DTWD2: variants seen among roughly 807,000 people sequenced by gnomAD.
The protein encoded by DTWD2 is DTW motif tRNA-uridine aminocarboxypropyltransferase 2.
DTWD2 carries 39 observed loss-of-function variants against 31.8 expected under a neutral mutation model. The observed-to-expected ratio is 1.22, with a 90% CI of 0.95 to 1.60. The LOEUF is 1.60. DTWD2 is among the 40% of genes most tolerant of loss of function. The pLI, the probability that DTWD2 is intolerant of heterozygous loss-of-function variation, is 0.00. For synonymous variants in DTWD2, 180 were observed against 142.8 expected, an observed-to-expected ratio of 1.26 and a Z score of -1.86; for missense variants, 515 against 381.5, an observed-to-expected ratio of 1.35 and a Z score of -2.92.
At chr5:118,883,774 G>A (rs1752795559) in intron 4 of DTWD2, among the ~76,000 whole-genome samples, 1 of 152,086 alleles carries the variant, frequency 6.6e-6, no homozygotes, top group African/African-American at 2.4e-5. Flanking sequence ...CTCAACATAT[G>A]GGGATTACAA....
At chr5:118,973,669 G>C in intron 1 of DTWD2, 1 of 921,472 alleles carries the variant, frequency 1.1e-6, no homozygotes, top group South Asian at 1.4e-5. Flanking sequence ...CAGCCTCCTT[G>C]CTCGCCGCAG....
In DTWD2 at chr5:118,967,435, G is replaced by A. The variant is rs1303037345; in HGVS notation, c.218+20859C>T. Among the ~76,000 whole-genome samples, 8 of 152,120 alleles carry A rather than the reference G, an allele frequency of 5.3e-5. No individual in the cohort carries two copies. In the East Asian group the frequency reaches 1.5e-3, roughly 29 times the overall value. On this transcript the variant is annotated intron_variant, in intron 1 of 5. Coordinates refer to ENST00000510708, the MANE Select transcript of DTWD2 (RefSeq NM_173666.4). ...TGAATATCATTTTACAATAAACCAG[G>A]GCTTCCTGAAAAAGTGGTTGATTCT...
At chr5:118,907,578 A>G (rs2149569014) in intron 4 of DTWD2, among the ~76,000 whole-genome samples, 1 of 152,236 alleles carries the variant, frequency 6.6e-6, no homozygotes, top group East Asian at 1.9e-4. Flanking sequence ...TAAAAATACA[A>G]AAATTAGCCA....
intron 4 of DTWD2, among the ~76,000 whole-genome samples, chr5:118,889,438 T>C (rs1752933585): frequency 6.6e-6 from 1 of 152,094 alleles, no homozygotes; most frequent in South Asian, 2.1e-4. Context: ...AAGAAGCTCT[T>C]CATATACAGA....
intron 4 of DTWD2, among the ~76,000 whole-genome samples, chr5:118,878,649 A>C (rs1752671902): frequency 6.6e-6 from 1 of 152,216 alleles, no homozygotes; most frequent in Non-Finnish European, 1.5e-5. Flanking sequence ...CAACAAAAGC[A>C]AAAATTGACA....
chr5:118,924,707 T>A (rs1029052573), intron 4 of DTWD2, among the ~76,000 whole-genome samples: 15 of 152,200 alleles, frequency 9.9e-5, no homozygotes, highest in Non-Finnish European at 1.9e-4. Flanking sequence ...ATCACTACAA[T>A]TGCCACTATC....
At chr5:118,893,894 A>G (rs535533409) in intron 4 of DTWD2, among the ~76,000 whole-genome samples, 4 of 152,280 alleles carry the variant, frequency 2.6e-5, no homozygotes, top group Admixed American at 6.5e-5. Context: ...AACAAGCCAA[A>G]TGACAAGGGA....
At chr5:118,947,631 T>G (rs1301818776) in intron 1 of DTWD2, among the ~76,000 whole-genome samples, 1 of 152,168 alleles carries the variant, frequency 6.6e-6, no homozygotes, top group Non-Finnish European at 1.5e-5. Context: ...TGTGTGGTTT[T>G]GGAAAAGACA....
intron 4 of DTWD2, among the ~76,000 whole-genome samples, chr5:118,901,747 G>C (rs1721343161): frequency 6.6e-6 from 1 of 151,988 alleles, no homozygotes; most frequent in Admixed American, 6.6e-5. Flanking sequence ...ATTATCAAAA[G>C]ATTAAAATTG....
At chr5:118,960,664 C>T (rs531379666) in intron 1 of DTWD2, among the ~76,000 whole-genome samples, 5 of 152,132 alleles carry the variant, frequency 3.3e-5, no homozygotes, top group African/African-American at 1.2e-4. Flanking sequence ...AAAGGAAAGA[C>T]ATGTAATTAA....
Position 118,896,419 on chromosome 5 carries a change from A to G in DTWD2, c.597+32118T>C, listed in dbSNP as rs1057461699. On this transcript the variant is annotated intron_variant, in intron 4 of 5. Coordinates refer to ENST00000510708, the MANE Select transcript of DTWD2 (RefSeq NM_173666.4). ...TCAGATGAAAAACATGAGTCTGAAA[A>G]AGGTTAAGATAAAAACAACTAGAAC... 2.0e-5 allele frequency among the ~76,000 whole-genome samples: 3 copies of G among 152,268 alleles called. No homozygotes were observed. In the South Asian group the frequency reaches 6.2e-4, roughly 32 times the overall value.
intron 3 of DTWD2, among the ~76,000 whole-genome samples, chr5:118,935,400 A>G (rs932933514): frequency 4.3e-4 from 66 of 152,308 alleles, no homozygotes; most frequent in African/African-American, 1.5e-3. Context: ...GGGAAGGGGC[A>G]GTCTTGGGAA....
chr5:118,885,093 A>T (rs1302582622), intron 4 of DTWD2, among the ~76,000 whole-genome samples: 1 of 151,272 alleles, frequency 6.6e-6, no homozygotes, highest in Admixed American at 6.6e-5. Flanking sequence ...AGGACTGCTT[A>T]AGCCCAAGAG....
intron 2 of DTWD2, among the ~76,000 whole-genome samples, chr5:118,941,164 T>C (rs1272401100): frequency 6.6e-6 from 1 of 151,876 alleles, no homozygotes; most frequent in African/African-American, 2.4e-5. Flanking sequence ...CAAATCCTTT[T>C]TTCTTTTTAT....
chr5:118,890,503 T>A (rs547913585), intron 4 of DTWD2, among the ~76,000 whole-genome samples: 7 of 152,048 alleles, frequency 4.6e-5, no homozygotes, highest in Non-Finnish European at 2.9e-5. Context: ...TTACATAAAT[T>A]TCTCTATTTC....
intron 5 of DTWD2, among the ~76,000 whole-genome samples, chr5:118,846,061 C>A (rs1751845886): frequency 6.6e-6 from 1 of 151,944 alleles, no homozygotes; most frequent in Non-Finnish European, 1.5e-5. Context: ...TCAAAAAGTT[C>A]CTCATTAGTT....
chr5:118,916,275 A>C (rs1753573825), intron 4 of DTWD2, among the ~76,000 whole-genome samples: 1 of 152,196 alleles, frequency 6.6e-6, no homozygotes, highest in Non-Finnish European at 1.5e-5. Flanking sequence ...ATCAGAAACA[A>C]AGGATATGTG....
chr5:118,972,181 G>T (rs1248152548), intron 1 of DTWD2, among the ~76,000 whole-genome samples: 1 of 152,138 alleles, frequency 6.6e-6, no homozygotes, highest in Non-Finnish European at 1.5e-5. Context: ...ACAAATCCAG[G>T]AGCTGGGTTT....
At chr5:118,940,577 A>C (rs996926319) in intron 2 of DTWD2, among the ~76,000 whole-genome samples, 5 of 152,176 alleles carry the variant, frequency 3.3e-5, no homozygotes, top group African/African-American at 1.2e-4. Flanking sequence ...TTTAGATATT[A>C]TCCAAAAACT....
Sources: gnomAD v4.1 joint callset for allele counts (sites outside exome capture counted in the v4.1 genomes callset) on GRCh38, gnomAD v4.1.1 for gene constraint, MANE v1.5 for transcripts, NCBI Gene and HGNC (gene_info 2026-07-23, HGNC 2026-07-21) for gene names.